The following TENM4 variants were observed in gnomAD, a reference collection of about 807,000 sequenced individuals.
TENM4 encodes the protein teneurin-4.
A neutral mutation model predicts 243.3 loss-of-function variants in TENM4; 82 were observed. The ratio of observed to expected loss-of-function variants is 0.34; its 90% CI spans 0.28 to 0.40. TENM4 has a LOEUF of 0.40. Ranked by LOEUF, TENM4 falls within the 10% of genes least tolerant of loss-of-function variation. TENM4 has a pLI of 1.00. For synonymous variants in TENM4, 1,412 were observed against 1,456.3 expected (o/e 0.97, Z 0.69); for missense variants, 3,138 against 3,673.3 (o/e 0.85, Z 3.77).
chr11:79,398,725 A>G (rs1229177924), intron 1 of TENM4, among the ~76,000 whole-genome samples: 3 of 142,914 alleles, frequency 2.1e-5, no homozygotes, highest in African/African-American at 5.3e-5. Context: ...GATAGAAGAT[A>G]GTCAGATGCT....
intron 2 of TENM4, among the ~76,000 whole-genome samples, chr11:79,225,882 A>T (rs966212313): frequency 2.0e-5 from 3 of 152,174 alleles, no homozygotes; most frequent in Non-Finnish European, 2.9e-5. Flanking sequence ...AATGATCACG[A>T]TCATCACCTT....
At chr11:78,696,453 G>A (rs1461185511) in intron 28 of TENM4, among the ~76,000 whole-genome samples, 3 of 150,310 alleles carry the variant, frequency 2.0e-5, no homozygotes, top group South Asian at 2.1e-4. Flanking sequence ...AGTTGAAAGC[G>A]TGACATCTTG....
intron 5 of TENM4, among the ~76,000 whole-genome samples, chr11:79,066,603 C>A (rs554175189): frequency 6.6e-6 from 1 of 151,780 alleles, no homozygotes; most frequent in African/African-American, 2.4e-5. Flanking sequence ...AGCACACACG[C>A]GCGTGCACAC....
intron 2 of TENM4, among the ~76,000 whole-genome samples, chr11:79,274,947 C>T (rs959960695): frequency 1.3e-5 from 2 of 152,150 alleles, no homozygotes; most frequent in African/African-American, 2.4e-5. Flanking sequence ...GGCTCTCGCA[C>T]AGTGCTCAGG....
At chr11:79,329,660 G>A (rs1421719910) in intron 1 of TENM4, among the ~76,000 whole-genome samples, 1 of 152,182 alleles carries the variant, frequency 6.6e-6, no homozygotes, top group Admixed American at 6.5e-5. Context: ...AGTCCCAGCA[G>A]GAGAAGCACA....
intron 2 of TENM4, among the ~76,000 whole-genome samples, chr11:79,283,634 C>G (rs1460276976): frequency 6.6e-6 from 1 of 152,134 alleles, no homozygotes; most frequent in African/African-American, 2.4e-5. Flanking sequence ...TAAAAGCTTT[C>G]CCCCTAAGAT....
At chr11:79,082,803 C>CT (rs553499868) in intron 4 of TENM4, among the ~76,000 whole-genome samples, 144 of 152,242 alleles carry the variant, frequency 9.5e-4, no homozygotes, top group African/African-American at 3.3e-3. Flanking sequence ...TCTGGGTATC[C>CT]AAGCCTCAAA....
At chr11:79,307,454 G>A (rs879666813) in intron 1 of TENM4, among the ~76,000 whole-genome samples, 5 of 152,076 alleles carry the variant, frequency 3.3e-5, no homozygotes, top group African/African-American at 1.2e-4. Flanking sequence ...TTTGAGTCCT[G>A]CTGGTTCTAA....
chr11:78,943,885 T>C (rs893343121), intron 6 of TENM4, among the ~76,000 whole-genome samples: 4 of 152,200 alleles, frequency 2.6e-5, no homozygotes, highest in African/African-American at 9.6e-5. Flanking sequence ...CAAATTCTGT[T>C]TGGGTATAGC....
intron 3 of TENM4, among the ~76,000 whole-genome samples, chr11:79,200,694 C>A (rs574143243): frequency 1.3e-5 from 2 of 152,240 alleles, no homozygotes; most frequent in Admixed American, 1.3e-4. Context: ...CTAGGCTGAT[C>A]GTTCTTGACA....
intron 4 of TENM4, among the ~76,000 whole-genome samples, chr11:79,095,308 T>G (rs1460035693): frequency 6.6e-6 from 1 of 152,196 alleles, no homozygotes; most frequent in Non-Finnish European, 1.5e-5. Flanking sequence ...GGGCAGGATT[T>G]GAACCCAGTT....
chr11:78,935,050 G>A (rs539141902), intron 6 of TENM4, among the ~76,000 whole-genome samples: 30 of 118,402 alleles, frequency 2.5e-4, no homozygotes, highest in Admixed American at 6.1e-4. Context: ...TGTCGCCCAG[G>A]CCGGACTGCG....
intron 5 of TENM4, among the ~76,000 whole-genome samples, chr11:79,068,628 C>G: frequency 6.6e-6 from 1 of 152,158 alleles, no homozygotes; most frequent in East Asian, 1.9e-4. Context: ...TCAGCTGACC[C>G]TGTCTGTGAA....
chr11:78,885,743 C>T (rs1236771768), intron 9 of TENM4, among the ~76,000 whole-genome samples: 1 of 152,086 alleles, frequency 6.6e-6, no homozygotes, highest in Non-Finnish European at 1.5e-5. Context: ...ACATATTAGA[C>T]CTCATCTCTA....
chr11:78,929,212 A>G (rs1450814200), intron 6 of TENM4, among the ~76,000 whole-genome samples: 2 of 152,210 alleles, frequency 1.3e-5, no homozygotes, highest in East Asian at 3.9e-4. Context: ...CTGCTAGGAT[A>G]TTCCAGACAC....
chr11:79,429,504 C>T (rs1195794874), intron 1 of TENM4, among the ~76,000 whole-genome samples: 3 of 151,956 alleles, frequency 2.0e-5, no homozygotes, highest in Admixed American at 2.0e-4. Context: ...CAAGCTACTT[C>T]GTGAATCCCA....
chr11:79,186,079 G>A (rs1047496299), intron 3 of TENM4, among the ~76,000 whole-genome samples: 1 of 152,198 alleles, frequency 6.6e-6, no homozygotes, highest in African/African-American at 2.4e-5. Context: ...TCCAAGGTAA[G>A]GTGGCAAAGC....
At chr11:78,823,092 G>A (rs1480177348) in intron 12 of TENM4, among the ~76,000 whole-genome samples, 2 of 152,208 alleles carry the variant, frequency 1.3e-5, no homozygotes, top group South Asian at 2.1e-4. Context: ...CCGTGAGCAC[G>A]TGCCAGAGAG....
At chr11:79,333,230 T>C (rs1857090112) in intron 1 of TENM4, among the ~76,000 whole-genome samples, 3 of 140,680 alleles carry the variant, frequency 2.1e-5, no homozygotes, top group African/African-American at 7.7e-5. Context: ...GCCTGCCCAT[T>C]CATCCATCCA....
Sources: gnomAD v4.1 joint callset for allele counts (sites outside exome capture counted in the v4.1 genomes callset) on GRCh38, gnomAD v4.1.1 for gene constraint, MANE v1.5 for transcripts, NCBI Gene and HGNC (gene_info 2026-07-23, HGNC 2026-07-21) for gene names.